FAT3: variants seen among roughly 807,000 people sequenced by gnomAD.
FAT3 encodes FAT atypical cadherin 3.
A neutral mutation model predicts 310.2 loss-of-function variants in FAT3; 95 were observed. The observed-to-expected ratio is 0.31, with a 90% confidence interval of 0.26 to 0.36. The LOEUF (loss-of-function observed/expected upper bound fraction) is 0.36. Among genes scored for constraint, FAT3 ranks in the 10% least tolerant of loss-of-function variants. The pLI is 1.00. For synonymous variants in FAT3, 2,314 were observed against 2,192.9 expected, an observed-to-expected ratio of 1.06 and a Z score of -1.54; for missense variants, 5,408 against 5,715.6, an observed-to-expected ratio of 0.95 and a Z score of 1.74.
chr11:92,394,968 T>C (rs1290828489), intron 2 of FAT3, among the ~76,000 whole-genome samples: 1 of 152,184 alleles, frequency 6.6e-6, no homozygotes, highest in Non-Finnish European at 1.5e-5. Flanking sequence ...CTGTTTTGTT[T>C]TCTGCCACAC....
intron 3 of FAT3, among the ~76,000 whole-genome samples, chr11:92,677,600 TG>T (rs1228296753): frequency 2.0e-5 from 3 of 152,182 alleles, no homozygotes; most frequent in Non-Finnish European, 1.5e-5. Context: ...CTTTGGAGGA[TG>T]GAAAGTCCAA....
At chr11:92,888,009 A>T (rs1949835242) in intron 25 of FAT3, among the ~76,000 whole-genome samples, 1 of 152,166 alleles carries the variant, frequency 6.6e-6, no homozygotes, top group Non-Finnish European at 1.5e-5. Flanking sequence ...TCCTTGCTGA[A>T]TTTTTTGCAT....
At chr11:92,500,001 A>G (rs1483264035) in intron 2 of FAT3, among the ~76,000 whole-genome samples, 2 of 152,146 alleles carry the variant, frequency 1.3e-5, no homozygotes, top group African/African-American at 4.8e-5. Context: ...AATCTAAGCA[A>G]TATGCTAGTG....
intron 7 of FAT3, among the ~76,000 whole-genome samples, chr11:92,779,717 C>T (rs1031799363): frequency 8.6e-5 from 13 of 152,046 alleles, no homozygotes; most frequent in South Asian, 2.1e-4. Context: ...AATGGGACTT[C>T]GCAGATGTGA....
chr11:92,782,467 A>G (rs548082597), intron 7 of FAT3, among the ~76,000 whole-genome samples: 14 of 152,274 alleles, frequency 9.2e-5, no homozygotes, highest in Admixed American at 6.5e-4. Flanking sequence ...AGTCCCAGCT[A>G]CTTGGATGGC....
chr11:92,565,126 T>A (rs1424359149), intron 3 of FAT3, among the ~76,000 whole-genome samples: 1 of 132,396 alleles, frequency 7.6e-6, no homozygotes, highest in African/African-American at 2.6e-5. Context: ...TCAACAAAAT[T>A]GATAGACCGC....
intron 3 of FAT3, among the ~76,000 whole-genome samples, chr11:92,649,874 C>CAT (rs10528724): frequency 0.16 from 7,669 of 47,078 alleles, 666 homozygotes; most frequent in East Asian, 0.2. Flanking sequence ...TTTGTATGTT[C>CAT]ATATATATAT....
At chr11:92,379,647 G>A (rs1241703492) in intron 2 of FAT3, among the ~76,000 whole-genome samples, 3 of 151,822 alleles carry the variant, frequency 2.0e-5, no homozygotes, top group African/African-American at 7.3e-5. Flanking sequence ...ATATTTGTGG[G>A]TTATCTTGGA....
intron 3 of FAT3, among the ~76,000 whole-genome samples, chr11:92,656,161 G>A (rs192386108): frequency 9.2e-5 from 14 of 152,228 alleles, no homozygotes; most frequent in Non-Finnish European, 1.8e-4. Flanking sequence ...TTTGACATAC[G>A]TTCCTACTAG....
chr11:92,285,564 C>A (rs917424563), intron 1 of FAT3, among the ~76,000 whole-genome samples: 11 of 152,116 alleles, frequency 7.2e-5, no homozygotes, highest in Admixed American at 4.6e-4. Flanking sequence ...AGGGGCAACA[C>A]AAGTGGCTAT....
At chr11:92,467,077 G>T (rs1379898461) in intron 2 of FAT3, among the ~76,000 whole-genome samples, 1 of 152,070 alleles carries the variant, frequency 6.6e-6, no homozygotes, top group African/African-American at 2.4e-5. Context: ...ATGATTTATA[G>T]TCTTTTGGGT....
intron 3 of FAT3, among the ~76,000 whole-genome samples, chr11:92,531,673 A>G (rs1954078267): frequency 1.3e-5 from 2 of 151,994 alleles, no homozygotes; most frequent in African/African-American, 4.8e-5. Context: ...CCAGATAACC[A>G]GCCTTCCTCT....
At chr11:92,244,208 T>G (rs188583102) in intron 1 of FAT3, among the ~76,000 whole-genome samples, 1 of 152,292 alleles carries the variant, frequency 6.6e-6, no homozygotes. Flanking sequence ...TTTCTTTTAC[T>G]GTGTTTATGT....
At chr11:92,284,249 A>G (rs2513466) in intron 1 of FAT3, among the ~76,000 whole-genome samples, 90,955 of 151,720 alleles carry the variant, frequency 0.6, 27,597 homozygotes, top group African/African-American at 0.68. Flanking sequence ...CAGCATGTCA[A>G]AGGTAGGAAA....
chr11:92,353,570 A>C lies in FAT3; in HGVS notation c.1458A>C (p.Pro486=), dbSNP rs1349525623. 1 of 1,613,834 alleles carries C rather than the reference A, an allele frequency of 6.2e-7. No homozygotes were observed. ...LYDAYVNESV[P]VGTSVLTVSA... The stretch of plus-strand genomic sequence containing the variant: ...ATGCTTATGTGAATGAAAGTGTCCC[A>C]GTGGGAACCAGCGTTCTAACAGTTT... The change falls in exon 2 of 28, where the codon CCA becomes CCC. Residue 486 remains proline (P), a synonymous_variant. Coordinates refer to ENST00000525166, the MANE Select transcript of FAT3 (RefSeq NM_001367949.2).
At chr11:92,620,010 T>C (rs950272321) in intron 3 of FAT3, among the ~76,000 whole-genome samples, 2 of 152,174 alleles carry the variant, frequency 1.3e-5, no homozygotes, top group Admixed American at 6.5e-5. Flanking sequence ...ATTGCTTTAC[T>C]GCATCTCATA....
At chr11:92,733,710 T>A (rs779486328) in intron 4 of FAT3, among the ~76,000 whole-genome samples, 13 of 152,066 alleles carry the variant, frequency 8.5e-5, no homozygotes, top group Non-Finnish European at 1.6e-4. Flanking sequence ...GTTTGGCACG[T>A]TATGTTTTAG....
At chr11:92,412,742 TATAAATATAC>T (rs1208443378) in intron 2 of FAT3, among the ~76,000 whole-genome samples, 819 of 58,834 alleles carry the variant, frequency 0.014, 117 homozygotes, top group African/African-American at 0.054. Flanking sequence ...TATATATATA[TATAAATATAC>T]ATACATATAT....
chr11:92,510,819 C>T (rs1256085598), intron 2 of FAT3, among the ~76,000 whole-genome samples: 5 of 152,314 alleles, frequency 3.3e-5, no homozygotes, highest in East Asian at 1.9e-4. Flanking sequence ...GCACTGAAGG[C>T]GGCTTGCATT....
Sources: allele counts gnomAD v4.1 joint callset (sites outside exome capture counted in the v4.1 genomes callset), GRCh38; gene constraint gnomAD v4.1.1; transcripts MANE v1.5; gene names NCBI Gene and HGNC (gene_info 2026-07-23, HGNC 2026-07-21).